SH3RF3: variants seen among roughly 807,000 people sequenced by gnomAD.
SH3RF3 encodes the protein SH3 domain containing ring finger 3.
In SH3RF3, 29 loss-of-function variants were observed where a neutral mutation model predicts 66.3. The observed-to-expected ratio is 0.44, with a 90% confidence interval of 0.33 to 0.60. The LOEUF (loss-of-function observed/expected upper bound fraction) is 0.60. Among genes scored for constraint, SH3RF3 ranks in the 20% least tolerant of loss-of-function variants. The pLI is 0.04. For missense variants in SH3RF3, 1,194 were observed against 1,190.9 expected (o/e 1.00, Z -0.04); for synonymous variants, 583 against 532.0 (o/e 1.10, Z -1.32).
intron 1 of SH3RF3, among the ~76,000 whole-genome samples, chr2:109,197,706 CG>C (rs1201193379): frequency 3.9e-5 from 6 of 152,192 alleles, no homozygotes; most frequent in African/African-American, 1.4e-4. Flanking sequence ...CCAGTAGGGC[CG>C]GGTGTGTGCC....
intron 1 of SH3RF3, among the ~76,000 whole-genome samples, chr2:109,164,948 G>A (rs944737151): frequency 6.6e-6 from 1 of 152,188 alleles, no homozygotes; most frequent in African/African-American, 2.4e-5. Context: ...ATGACAATGG[G>A]GAGGTCGTAA....
At chr2:109,139,557 T>A (rs1009307935) in intron 1 of SH3RF3, among the ~76,000 whole-genome samples, 9 of 152,204 alleles carry the variant, frequency 5.9e-5, no homozygotes, top group African/African-American at 2.2e-4. Context: ...ATCTGAGTTT[T>A]AAAAATTAAT....
At chr2:109,266,617 C>G (rs757239485) in intron 1 of SH3RF3, among the ~76,000 whole-genome samples, 9 of 151,978 alleles carry the variant, frequency 5.9e-5, no homozygotes, top group Non-Finnish European at 1.0e-4. Context: ...CAGAGCAGGG[C>G]TCCCCTCAGG....
At chr2:109,447,683 C>T (rs1677749359) in intron 7 of SH3RF3, among the ~76,000 whole-genome samples, 1 of 152,176 alleles carries the variant, frequency 6.6e-6, no homozygotes, top group Non-Finnish European at 1.5e-5. Context: ...CATTCTCTCC[C>T]AGCATTTGTT....
chr2:109,250,265 T>C (rs1680054946), intron 1 of SH3RF3, among the ~76,000 whole-genome samples: 1 of 152,134 alleles, frequency 6.6e-6, no homozygotes, highest in Non-Finnish European at 1.5e-5. Flanking sequence ...TTTAGAACTT[T>C]GGAAGCCCTG....
At chr2:109,488,494 A>G (rs2104372251) in intron 8 of SH3RF3, among the ~76,000 whole-genome samples, 1 of 152,242 alleles carries the variant, frequency 6.6e-6, no homozygotes, top group East Asian at 1.9e-4. Flanking sequence ...AGGGTCTCCC[A>G]TCCCCAGGCC....
intron 1 of SH3RF3, among the ~76,000 whole-genome samples, chr2:109,296,633 C>CTGGG (rs1191740677): frequency 6.6e-6 from 1 of 152,198 alleles, no homozygotes; most frequent in Non-Finnish European, 1.5e-5. Context: ...GGTAAATGAG[C>CTGGG]TGGGCCCTGC....
At chr2:109,421,205 C>G (rs747469801) in intron 5 of SH3RF3, among the ~76,000 whole-genome samples, 7 of 152,204 alleles carry the variant, frequency 4.6e-5, no homozygotes, top group Non-Finnish European at 8.8e-5. Flanking sequence ...TGGGATAGCC[C>G]TGATGGAGTT....
intron 1 of SH3RF3, among the ~76,000 whole-genome samples, chr2:109,190,731 C>T (rs1678332619): frequency 6.6e-6 from 1 of 151,982 alleles, no homozygotes; most frequent in African/African-American, 2.4e-5. Flanking sequence ...TGGGTGTCTC[C>T]CTTCTTTTCC....
At chr2:109,368,573 C>T (rs1425369072) in intron 2 of SH3RF3, among the ~76,000 whole-genome samples, 1 of 151,748 alleles carries the variant, frequency 6.6e-6, no homozygotes, top group Non-Finnish European at 1.5e-5. Context: ...TATTCACTTG[C>T]TTCTAATTTT....
intron 1 of SH3RF3, among the ~76,000 whole-genome samples, chr2:109,147,779 A>G (rs1165375588): frequency 6.6e-6 from 1 of 152,220 alleles, no homozygotes; most frequent in Non-Finnish European, 1.5e-5. Context: ...TGTTTTAGCT[A>G]AAATATCCCG....
At chr2:109,496,754 C>T (rs1191412595) in intron 9 of SH3RF3, among the ~76,000 whole-genome samples, 2 of 150,352 alleles carry the variant, frequency 1.3e-5, no homozygotes, top group Admixed American at 1.3e-4. Context: ...CCTAAAAACT[C>T]ATGACTATGT....
At chr2:109,331,374 C>T (rs988602649) in intron 1 of SH3RF3, among the ~76,000 whole-genome samples, 1 of 152,128 alleles carries the variant, frequency 6.6e-6, no homozygotes, top group Non-Finnish European at 1.5e-5. Flanking sequence ...CCCCTTCTCT[C>T]TCTCCCCTTG....
chr2:109,402,887 A>G (rs527300127), intron 4 of SH3RF3, among the ~76,000 whole-genome samples: 1 of 152,242 alleles, frequency 6.6e-6, no homozygotes, highest in East Asian at 1.9e-4. Flanking sequence ...TTCTGTAGAA[A>G]GGTCCAAACA....
At chr2:109,369,967 A>G (rs79898155) in intron 2 of SH3RF3, among the ~76,000 whole-genome samples, 19,735 of 152,214 alleles carry the variant, frequency 0.13, 1,426 homozygotes, top group Middle Eastern at 0.24. Context: ...GGGCTTCTCC[A>G]TGAGGCCATC....
chr2:109,285,784 G>C (rs1198676669), intron 1 of SH3RF3, among the ~76,000 whole-genome samples: 2 of 152,228 alleles, frequency 1.3e-5, no homozygotes, highest in African/African-American at 4.8e-5. Context: ...CAGGGTGTGA[G>C]TCTGTGTGTT....
intron 1 of SH3RF3, among the ~76,000 whole-genome samples, chr2:109,217,934 A>G (rs1358429517): frequency 2.2e-4 from 33 of 152,198 alleles, no homozygotes; most frequent in Admixed American, 2.2e-3. Flanking sequence ...AAGACAGCTC[A>G]GCCAGGACCT....
chr2:109,335,735 C>G (rs1459746752), intron 1 of SH3RF3, among the ~76,000 whole-genome samples: 1 of 152,210 alleles, frequency 6.6e-6, no homozygotes, highest in African/African-American at 2.4e-5. Flanking sequence ...CAGAACCGCA[C>G]CCCACAAGTA....
intron 4 of SH3RF3, among the ~76,000 whole-genome samples, chr2:109,402,754 T>C (rs1676348554): frequency 6.6e-6 from 1 of 152,230 alleles, no homozygotes; most frequent in African/African-American, 2.4e-5. Flanking sequence ...GGACCAGGAC[T>C]TCTGGGCCAT....
Sources: allele counts gnomAD v4.1 joint callset (sites outside exome capture counted in the v4.1 genomes callset), GRCh38; gene constraint gnomAD v4.1.1; transcripts MANE v1.5; gene names NCBI Gene and HGNC (gene_info 2026-07-23, HGNC 2026-07-21).